The following ZNF653 variants were observed in gnomAD, a reference collection of about 807,000 sequenced individuals.
The protein encoded by ZNF653 is zinc finger protein 653.
In ZNF653, 37 loss-of-function variants were observed where a neutral mutation model predicts 59.9. The observed-to-expected ratio is 0.62, with a 90% confidence interval of 0.48 to 0.81. The LOEUF is 0.81. Ranked by LOEUF, ZNF653 falls within the 40% of genes least tolerant of loss-of-function variation. ZNF653 has a pLI of 0.00. For missense variants in ZNF653, 808 were observed against 881.1 expected (o/e 0.92, Z 1.05); for synonymous variants, 435 against 371.8 (o/e 1.17, Z -1.96).
At chr19:11,500,601 TG>T (rs763897609) in intron 1 of ZNF653, 2 of 152,422 alleles carry the variant, frequency 1.3e-5, no homozygotes, top group Non-Finnish European at 2.9e-5. Flanking sequence ...CCCAAAGTGC[TG>T]GGATTACAAG....
intron 1 of ZNF653, among the ~76,000 whole-genome samples, chr19:11,499,674 G>A (rs1368474716): frequency 6.6e-6 from 1 of 151,264 alleles, no homozygotes; most frequent in African/African-American, 2.4e-5. Context: ...CACGTTAGGA[G>A]GTTAAGACGG....
chr19:11,500,378 A>G (rs1044075129), intron 1 of ZNF653, among the ~76,000 whole-genome samples: 33 of 152,148 alleles, frequency 2.2e-4, no homozygotes, highest in African/African-American at 7.7e-4. Flanking sequence ...TCTGTCACCC[A>G]GGTTGGAGTG....
chr19:11,484,423 C>T (rs1231239872), intron 7 of ZNF653, among the ~76,000 whole-genome samples: 7 of 151,996 alleles, frequency 4.6e-5, no homozygotes, highest in African/African-American at 7.2e-5. Flanking sequence ...TATTTTGCGA[C>T]GGAGTTTCGC....
Position 11,505,750 on chromosome 19 carries a change from C to G in ZNF653, c.37G>C (p.Glu13Gln). The part of the protein sequence containing the change: ...ERALEPEAEA[E>Q]AEAGAGGEAA... ...TCCCCGCCCGCGCCCGCCTCAGCCT[C>G]CGCCTCCGCCTCGGGCTCTAGCGCC... Residue 13 changes from glutamate to glutamine, a missense_variant, in exon 1 of 9, where the codon GAG becomes CAG. Coordinates refer to ENST00000293771, the MANE Select transcript of ZNF653 (RefSeq NM_138783.4). The G allele has an allele frequency of 1.4e-6, 2 of 1,439,318 alleles. No individual in the cohort carries two copies. Among genetic ancestry groups the G allele is most frequent in the Non-Finnish European group, 1.8e-6 (2 of 1,106,620 alleles). The allele number at this position is 1,439,318 out of a possible 1,614,324, so 89.2% of individuals were successfully genotyped here.
At chr19:11,498,162 C>T (rs912435290) in intron 2 of ZNF653, 134 bp downstream of exon 2, 1 of 1,176,516 alleles carries the variant, frequency 8.5e-7, no homozygotes, top group African/African-American at 1.5e-5. Flanking sequence ...ACACGCAGAC[C>T]CGGGTTTGAG....
At chr19:11,484,911 A>G (rs542293066) in intron 7 of ZNF653, among the ~76,000 whole-genome samples, 1 of 151,204 alleles carries the variant, frequency 6.6e-6, no homozygotes, top group Admixed American at 6.6e-5. Flanking sequence ...ATTAGCTGGC[A>G]TGGTGGTGAG....
At chr19:11,496,592 G>A (rs1392801024) in intron 2 of ZNF653, among the ~76,000 whole-genome samples, 1 of 152,152 alleles carries the variant, frequency 6.6e-6, no homozygotes, top group Non-Finnish European at 1.5e-5. Context: ...ACTGGGCCAG[G>A]CGCAATGACT....
intron 7 of ZNF653, 101 bp downstream of exon 7, chr19:11,485,555 G>C (rs370392467): frequency 1.1e-6 from 1 of 875,452 alleles, no homozygotes. Flanking sequence ...CCTGTGCCCG[G>C]AGACCCAGCA....
At chr19:11,497,491 A>T (rs1971600872) in intron 2 of ZNF653, among the ~76,000 whole-genome samples, 1 of 152,134 alleles carries the variant, frequency 6.6e-6, no homozygotes, top group African/African-American at 2.4e-5. Context: ...AGAATAAGGG[A>T]TTCCCATCCC....
chr19:11,497,383 G>A (rs934690147), intron 2 of ZNF653, among the ~76,000 whole-genome samples: 8 of 152,204 alleles, frequency 5.3e-5, no homozygotes, highest in African/African-American at 1.7e-4. Context: ...GAGCCGGACC[G>A]CCTGGGTTTG....
chr19:11,486,305 G>C (rs762506371), intron 6 of ZNF653, among the ~76,000 whole-genome samples: 7 of 152,176 alleles, frequency 4.6e-5, no homozygotes, highest in Non-Finnish European at 1.0e-4. Flanking sequence ...CTCTGGACTG[G>C]GGTATCTGTC....
intron 3 of ZNF653, among the ~76,000 whole-genome samples, chr19:11,491,858 T>A (rs1171243673): frequency 3.9e-5 from 6 of 152,066 alleles, no homozygotes; most frequent in Non-Finnish European, 8.8e-5. Context: ...ATTACAGACG[T>A]GAGCCACCGC....
Position 11,487,785 on chromosome 19 carries a change from C to A in ZNF653, c.678G>T (p.Thr226=). 21 of 1,611,584 alleles carry A rather than the reference C, an allele frequency of 1.3e-5. No individual in the cohort carries two copies. Among genetic ancestry groups the A allele is most frequent in the Non-Finnish European group, 1.8e-5 (21 of 1,179,412 alleles). Reference sequence around the variant, plus strand: ...CGCTGCTGCCCACCGGGCTGGTGGGCGTCGCTGCCGCTGCCGCTGCCGCAG... The same window carrying A: ...CGCTGCTGCCCACCGGGCTGGTGGGAGTCGCTGCCGCTGCCGCTGCCGCAG... The part of the protein sequence containing the change: ...VKAAAAAAAA[T]PTSPVGSSGL... The change falls in exon 4 of 9, where the codon ACG becomes ACT. Residue 226 remains threonine (T), a synonymous_variant. Coordinates refer to ENST00000293771, the MANE Select transcript of ZNF653 (RefSeq NM_138783.4). This position sits in a 1 kb window ranked among gnomAD's most constrained non-coding sequence, Gnocchi z 5.1.
chr19:11,503,837 C>T (rs1485271564), intron 1 of ZNF653, among the ~76,000 whole-genome samples: 1 of 151,956 alleles, frequency 6.6e-6, no homozygotes, highest in African/African-American at 2.4e-5. Context: ...GGCACAATGG[C>T]TTACACCTGT....
chr19:11,501,575 G>C (rs912921704), intron 1 of ZNF653, among the ~76,000 whole-genome samples: 26 of 152,030 alleles, frequency 1.7e-4, no homozygotes, highest in African/African-American at 6.3e-4. Flanking sequence ...TCAGAGCTTT[G>C]CTCCATCACG....
chr19:11,498,686 C>T (rs1440552874), intron 1 of ZNF653, among the ~76,000 whole-genome samples: 2 of 151,982 alleles, frequency 1.3e-5, no homozygotes, highest in Non-Finnish European at 2.9e-5. Flanking sequence ...TCAGGTGATC[C>T]GCCCACCTCA....
chr19:11,483,890 G>C (rs1402443521), intron 8 of ZNF653, 31 bp from the exon 9 acceptor site: 2 of 1,537,934 alleles, frequency 1.3e-6, no homozygotes, highest in Admixed American at 1.9e-5. Context: ...GACGGGGCGG[G>C]GTCAGAGTGG....
At chr19:11,492,728 G>T (rs1198226432) in intron 3 of ZNF653, among the ~76,000 whole-genome samples, 3 of 152,160 alleles carry the variant, frequency 2.0e-5, no homozygotes, top group Non-Finnish European at 4.4e-5. Flanking sequence ...CGGGGTCCCG[G>T]TGCAGAGCCC....
intron 2 of ZNF653, 130 bp downstream of exon 2, chr19:11,498,166 G>T: frequency 8.1e-7 from 1 of 1,231,782 alleles, no homozygotes; most frequent in Non-Finnish European, 1.2e-6. Context: ...GCAGACCCGG[G>T]TTTGAGGTCG....
Sources: gnomAD v4.1 joint callset for allele counts (sites outside exome capture counted in the v4.1 genomes callset) on GRCh38, gnomAD v4.1.1 for gene constraint, Gnocchi (gnomAD v3.1) non-coding constraint, MANE v1.5 for transcripts, NCBI Gene and HGNC (gene_info 2026-07-23, HGNC 2026-07-21) for gene names.